Variants in NIBAN1 observed in about 807,000 individuals in gnomAD.
NIBAN1 encodes niban apoptosis regulator 1, also known as protein Niban 1.
Under a neutral mutation model 75.1 loss-of-function variants are expected in NIBAN1, and 81 were observed. The observed-to-expected ratio is 1.08, with a 90% CI of 0.90 to 1.30. The LOEUF is 1.30. NIBAN1 is among the 50% of genes most tolerant of loss of function. The probability of loss-of-function intolerance (pLI) is 0.00; values close to 1 mark genes in which losing one functional copy is unlikely to be tolerated. For synonymous variants in NIBAN1, 436 were observed against 424.8 expected (o/e 1.03, Z -0.32); for missense variants, 1,133 against 1,128.1 (o/e 1.00, Z -0.06).
At chr1:184,842,473 G>A (rs888181015) in intron 5 of NIBAN1, among the ~76,000 whole-genome samples, 6 of 152,192 alleles carry the variant, frequency 3.9e-5, no homozygotes, top group Admixed American at 3.3e-4. Flanking sequence ...TTGTGGTAAG[G>A]CCGGGCATGG....
At chr1:184,972,539 T>C (rs1470546090) in intron 1 of NIBAN1, among the ~76,000 whole-genome samples, 2 of 152,202 alleles carry the variant, frequency 1.3e-5, no homozygotes, top group Non-Finnish European at 2.9e-5. Flanking sequence ...AACTCTTCTC[T>C]TCCCTCTCCC....
chr1:184,933,925 A>G (rs1657888260), intron 1 of NIBAN1, among the ~76,000 whole-genome samples: 1 of 152,202 alleles, frequency 6.6e-6, no homozygotes, highest in Non-Finnish European at 1.5e-5. Context: ...CTGAGAACCA[A>G]CTGACCTCCC....
chr1:184,866,213 T>C (rs1655953061), intron 5 of NIBAN1, among the ~76,000 whole-genome samples: 2 of 152,120 alleles, frequency 1.3e-5, no homozygotes. Flanking sequence ...AGAACTGTGA[T>C]GGAAGTAAGG....
chr1:184,818,507 A>G (rs1025012734), intron 9 of NIBAN1, 131 bp downstream of exon 9: 8 of 873,038 alleles, frequency 9.2e-6, no homozygotes, highest in African/African-American at 1.7e-5. Flanking sequence ...GGCTGGATGA[A>G]TGGAGGGAAG....
At chr1:184,808,827 T>C (rs111485784) in intron 9 of NIBAN1, among the ~76,000 whole-genome samples, 15 of 152,300 alleles carry the variant, frequency 9.8e-5, no homozygotes, top group African/African-American at 3.4e-4. Flanking sequence ...TTTGAAGAAC[T>C]GGGGTCCCTC....
At chr1:184,952,187 T>A (rs1272585626) in intron 1 of NIBAN1, among the ~76,000 whole-genome samples, 1 of 152,072 alleles carries the variant, frequency 6.6e-6, no homozygotes, top group Non-Finnish European at 1.5e-5. Flanking sequence ...AGTGCTTGAG[T>A]CCAAGAGTTT....
chr1:184,919,918 TGGGGGA>T (rs1469518533), intron 1 of NIBAN1, among the ~76,000 whole-genome samples: 11 of 146,302 alleles, frequency 7.5e-5, no homozygotes, highest in Non-Finnish European at 1.5e-4. Flanking sequence ...TTTCAGGGGC[TGGGGGA>T]GGGGGAGGTG....
At chr1:184,852,489 TC>T (rs1166764132) in intron 5 of NIBAN1, among the ~76,000 whole-genome samples, 1 of 152,142 alleles carries the variant, frequency 6.6e-6, no homozygotes, top group Non-Finnish European at 1.5e-5. Context: ...TAGCACAGTG[TC>T]TAGTGAGAAT....
At chr1:184,972,425 A>G (rs557914657) in intron 1 of NIBAN1, among the ~76,000 whole-genome samples, 1 of 152,338 alleles carries the variant, frequency 6.6e-6, no homozygotes, top group Admixed American at 6.5e-5. Context: ...ATGCACTAAC[A>G]ATGTACAACA....
chr1:184,808,852 A>G (rs959820669), intron 9 of NIBAN1, among the ~76,000 whole-genome samples: 2 of 152,150 alleles, frequency 1.3e-5, no homozygotes, highest in Non-Finnish European at 2.9e-5. Flanking sequence ...TCTAGTTTGC[A>G]CTCAGTCAAT....
chr1:184,839,576 T>C lies in NIBAN1; in HGVS notation c.602-7614A>G, dbSNP rs202034098. On this transcript the variant is annotated intron_variant, in intron 5 of 13. Coordinates refer to ENST00000367511, the MANE Select transcript of NIBAN1 (RefSeq NM_052966.4). ...GTGTGTGTGTGTGTGCACGCGCGCG[T>C]GTGTGTGTGTGTTGTTCCATTTAAT... Among the ~76,000 whole-genome samples, 124 of 142,360 alleles carry C rather than the reference T, an allele frequency of 8.7e-4. No individual in the cohort carries two copies. In the East Asian group the frequency reaches 9.0e-3, roughly 10 times the overall value. 93.4% of individuals were successfully genotyped at this position (142,360 alleles called of 152,430 possible).
At chr1:184,889,120 T>G (rs1177258667) in intron 4 of NIBAN1, among the ~76,000 whole-genome samples, 2 of 152,266 alleles carry the variant, frequency 1.3e-5, no homozygotes, top group East Asian at 3.8e-4. Flanking sequence ...CAAAGCCAAA[T>G]GGAGTTATTA....
intron 5 of NIBAN1, among the ~76,000 whole-genome samples, chr1:184,871,886 T>C (rs2102289110): frequency 6.6e-6 from 1 of 152,266 alleles, no homozygotes. Flanking sequence ...CAGAAGGATG[T>C]CCCCACAATC....
At chr1:184,910,375 G>A (rs895713597) in intron 1 of NIBAN1, among the ~76,000 whole-genome samples, 2 of 151,956 alleles carry the variant, frequency 1.3e-5, no homozygotes, top group Admixed American at 1.3e-4. Flanking sequence ...GAGCTGGATG[G>A]GATCACAATC....
At chr1:184,865,425 T>C (rs1459902703) in intron 5 of NIBAN1, among the ~76,000 whole-genome samples, 1 of 152,076 alleles carries the variant, frequency 6.6e-6, no homozygotes, top group Non-Finnish European at 1.5e-5. Flanking sequence ...AATGGACATA[T>C]AGATGGCAAC....
At chr1:184,974,182 G>C in intron 1 of NIBAN1, 120 bp downstream of exon 1, 1 of 1,056,706 alleles carries the variant, frequency 9.5e-7, no homozygotes, top group Non-Finnish European at 1.2e-6. Context: ...GGCTGCGGTC[G>C]GGGATCCCCG....
At chr1:184,953,920 C>T (rs895626611) in intron 1 of NIBAN1, among the ~76,000 whole-genome samples, 4 of 152,144 alleles carry the variant, frequency 2.6e-5, no homozygotes, top group Admixed American at 6.5e-5. Flanking sequence ...AGTCTAGTGA[C>T]GGTGTTTTCC....
intron 1 of NIBAN1, among the ~76,000 whole-genome samples, chr1:184,955,307 T>TTTCC (rs1658455390): frequency 2.1e-5 from 2 of 94,520 alleles, no homozygotes; most frequent in East Asian, 5.3e-4. Context: ...TTTTCTTTTC[T>TTTCC]TTTCCTTTCC....
intron 5 of NIBAN1, among the ~76,000 whole-genome samples, chr1:184,856,643 A>T (rs1655685197): frequency 6.6e-6 from 1 of 152,232 alleles, no homozygotes; most frequent in African/African-American, 2.4e-5. Context: ...CTGGTTGAAC[A>T]TATTCTATGT....
Sources: allele counts gnomAD v4.1 joint callset (sites outside exome capture counted in the v4.1 genomes callset), GRCh38; gene constraint gnomAD v4.1.1; transcripts MANE v1.5; gene names NCBI Gene and HGNC (gene_info 2026-07-23, HGNC 2026-07-21).